The following SETD3 variants were observed in gnomAD, a reference collection of about 807,000 sequenced individuals.
SETD3 encodes the protein SET domain containing 3, actin N3(tau)-histidine methyltransferase, also known as actin-histidine N-methyltransferase.
SETD3 carries 19 observed loss-of-function variants against 63.0 expected under a neutral mutation model. The observed-to-expected ratio is 0.30, with a 90% CI of 0.21 to 0.44. The LOEUF is 0.44. SETD3 is among the 20% of genes least tolerant of loss of function. The pLI is 1.00. For missense variants in SETD3, 587 were observed against 728.5 expected (o/e 0.81, Z 2.24); for synonymous variants, 286 against 264.1 (o/e 1.08, Z -0.80).
intron 4 of SETD3, among the ~76,000 whole-genome samples, chr14:99,460,670 AAAG>A (rs1490839380): frequency 6.6e-6 from 1 of 152,212 alleles, no homozygotes; most frequent in Non-Finnish European, 1.5e-5. Context: ...CTTCATGTGG[AAAG>A]AAGAACCAAG....
chr14:99,430,015 G>A (rs1893085748), intron 6 of SETD3, among the ~76,000 whole-genome samples: 1 of 152,218 alleles, frequency 6.6e-6, no homozygotes, highest in Non-Finnish European at 1.5e-5. Context: ...CGAGAGGGGA[G>A]GGGGAGTGAG....
Position 99,398,473 on chromosome 14 carries a change from T to G in SETD3, c.*206A>C, listed in dbSNP as rs925173452. ...TTGTGGTTGTTTGTTAATTGGTTTGTTTTGCCTAAAAGCAAGATGGCAATC... is the reference window on the plus strand; with the variant it reads ...TTGTGGTTGTTTGTTAATTGGTTTGGTTTGCCTAAAAGCAAGATGGCAATC... On this transcript the variant is annotated 3_prime_UTR_variant, in exon 13 of 13. Transcript: ENST00000331768. The G allele has an allele frequency of 5.2e-6, 3 of 574,076 alleles. No individual in the cohort carries two copies. In the African/African-American group the frequency reaches 5.6e-5, roughly 11 times the overall value. The allele number at this position is 574,076 out of a possible 1,614,324, so 35.6% of individuals were successfully genotyped here.
intron 6 of SETD3, among the ~76,000 whole-genome samples, chr14:99,423,710 G>A (rs1344219076): frequency 2.0e-5 from 3 of 150,348 alleles, no homozygotes; most frequent in Non-Finnish European, 4.4e-5. Flanking sequence ...CATAAGTACT[G>A]TTAAAGGTAC....
chr14:99,414,786 T>TAGAC (rs3044983), intron 6 of SETD3, among the ~76,000 whole-genome samples: 148,129 of 152,254 alleles, frequency 0.97, 72,105 homozygotes, highest in African/African-American at 0.99. Flanking sequence ...TACAGTCTGA[T>TAGAC]AGATTGTAGT....
chr14:99,468,333 C>T (rs1167453909), intron 1 of SETD3, among the ~76,000 whole-genome samples: 1 of 152,066 alleles, frequency 6.6e-6, no homozygotes, highest in African/African-American at 2.4e-5. Context: ...TAACACTAGT[C>T]TCGTACATCT....
At chr14:99,431,451 G>A (rs900823618) in intron 6 of SETD3, among the ~76,000 whole-genome samples, 1 of 152,076 alleles carries the variant, frequency 6.6e-6, no homozygotes, top group Non-Finnish European at 1.5e-5. Flanking sequence ...AGTACAAGAG[G>A]GAGCCAGCAG....
intron 1 of SETD3, among the ~76,000 whole-genome samples, chr14:99,473,353 T>C (rs1895805437): frequency 6.6e-6 from 1 of 152,208 alleles, no homozygotes; most frequent in Non-Finnish European, 1.5e-5. Context: ...CAAAGTATAG[T>C]TCACACATAA....
At chr14:99,420,637 C>A (rs989038000) in intron 6 of SETD3, among the ~76,000 whole-genome samples, 7 of 152,260 alleles carry the variant, frequency 4.6e-5, no homozygotes, top group Non-Finnish European at 7.4e-5. Context: ...ATCCTATGTT[C>A]CCTCTTATGA....
chr14:99,462,079 G>A (rs752821604), intron 3 of SETD3, among the ~76,000 whole-genome samples: 1 of 152,174 alleles, frequency 6.6e-6, no homozygotes, highest in Non-Finnish European at 1.5e-5. Flanking sequence ...TGAGGCTTTG[G>A]CTGTATCTGT....
At chr14:99,464,693 G>C (rs10782493) in intron 2 of SETD3, among the ~76,000 whole-genome samples, 140,434 of 152,312 alleles carry the variant, frequency 0.92, 65,845 homozygotes, top group East Asian at 1. Flanking sequence ...AAGGGCAACG[G>C]AGTGACCACA....
chr14:99,444,217 T>G (rs1272210099), intron 6 of SETD3: 1 of 152,198 alleles, frequency 6.6e-6, no homozygotes, highest in Non-Finnish European at 1.5e-5. Context: ...GATCTGCCAT[T>G]CACAAGGCTA....
chr14:99,410,587 C>G (rs768567067), intron 8 of SETD3, among the ~76,000 whole-genome samples: 10 of 152,208 alleles, frequency 6.6e-5, no homozygotes. Context: ...AAACCTGCTG[C>G]TTACATTAAG....
chr14:99,430,488 C>T (rs1893112578), intron 6 of SETD3, among the ~76,000 whole-genome samples: 1 of 152,200 alleles, frequency 6.6e-6, no homozygotes, highest in Admixed American at 6.5e-5. Flanking sequence ...AGGTTTCTGA[C>T]ACCAGCACCA....
At chr14:99,471,406 A>AT (rs1895697194) in intron 1 of SETD3, among the ~76,000 whole-genome samples, 2 of 152,250 alleles carry the variant, frequency 1.3e-5, no homozygotes, top group African/African-American at 2.4e-5. Context: ...AGAGATGTAG[A>AT]TAATTAGAGA....
intron 6 of SETD3, among the ~76,000 whole-genome samples, chr14:99,418,073 GAA>G (rs1411498787): frequency 1.3e-5 from 2 of 152,056 alleles, no homozygotes; most frequent in Non-Finnish European, 1.5e-5. Context: ...ATACAAAAAG[GAA>G]AGTTGCTCAT....
chr14:99,435,869 G>C (rs1353753431), intron 6 of SETD3, among the ~76,000 whole-genome samples: 1 of 151,878 alleles, frequency 6.6e-6, no homozygotes, highest in Non-Finnish European at 1.5e-5. Context: ...TCTGGTCATC[G>C]GTCTTTCCAC....
intron 6 of SETD3, among the ~76,000 whole-genome samples, chr14:99,451,644 C>A (rs1303318498): frequency 6.6e-6 from 1 of 151,706 alleles, no homozygotes; most frequent in Admixed American, 6.6e-5. Context: ...GTAGCTGGAA[C>A]TACAGGCGTG....
At chr14:99,412,108 T>C (rs572000033) in intron 8 of SETD3, 13 of 152,358 alleles carry the variant, frequency 8.5e-5, no homozygotes, top group African/African-American at 2.9e-4. Context: ...AATCAAACAG[T>C]ATACTAGTAT....
chr14:99,482,156 A>C (rs951927526), upstream of SETD3, among the ~76,000 whole-genome samples: 7 of 152,368 alleles, frequency 4.6e-5, no homozygotes, highest in Non-Finnish European at 1.0e-4. Context: ...CCCTAAATTT[A>C]GACTGCCAGT....
Sources: gnomAD v4.1 joint callset for allele counts (sites outside exome capture counted in the v4.1 genomes callset) on GRCh38, gnomAD v4.1.1 for gene constraint, MANE v1.5 for transcripts, NCBI Gene and HGNC (gene_info 2026-07-23, HGNC 2026-07-21) for gene names.